The following DESI1 variants were observed in gnomAD, a reference collection of about 807,000 sequenced individuals.
DESI1 encodes PPPDE peptidase domain containing 2.
DESI1 carries 17 observed loss-of-function variants against 22.4 expected under a neutral mutation model. That is an observed-to-expected ratio of 0.76 (90% CI 0.52 to 1.14). DESI1 has a LOEUF of 1.14. DESI1 is among the 50% of genes most tolerant of loss of function. The probability of loss-of-function intolerance (pLI) is 0.00; values close to 1 mark genes in which losing one functional copy is unlikely to be tolerated. For synonymous variants in DESI1, 92 were observed against 84.2 expected (o/e 1.09, Z -0.51); for missense variants, 177 against 208.9 (o/e 0.85, Z 0.94).
intron 2 of DESI1, 37 bp downstream of exon 2, chr22:41,607,803 C>T (rs1247905738): frequency 3.1e-6 from 5 of 1,613,546 alleles, no homozygotes; most frequent in Non-Finnish European, 4.2e-6. Context: ...TGCCTTGTTT[C>T]AAAACTAGTC....
Position 41,607,737 on chromosome 22 carries a change from G to C in DESI1, c.110+103C>G, listed in dbSNP as rs144118084. 1.4e-5 allele frequency: 18 copies of C among 1,313,226 alleles called. No homozygotes were observed. The East Asian group carries it at 2.8e-4, about 20-fold the overall frequency. 81.3% of individuals were successfully genotyped at this position (1,313,226 alleles called of 1,614,324 possible). A position where few individuals can be genotyped will look rare whatever the true frequency, so the allele number is the denominator to read the frequency against. On this transcript the variant is annotated intron_variant, in intron 2 of 5. Coordinates refer to ENST00000263256, the MANE Select transcript of DESI1 (RefSeq NM_015704.3). ...TTAGGGCTTGAAGATTTATAGCATGGAGAGCTAGGTTTCATGCTGGAAGCC... is the reference window on the plus strand; with the variant it reads ...TTAGGGCTTGAAGATTTATAGCATGCAGAGCTAGGTTTCATGCTGGAAGCC...
chr22:41,612,412 G>A (rs1254949110), intron 1 of DESI1, among the ~76,000 whole-genome samples: 1 of 151,354 alleles, frequency 6.6e-6, no homozygotes, highest in Non-Finnish European at 1.5e-5. Context: ...GGGAGGCTGA[G>A]ACAGAAGAAT....
intron 2 of DESI1, 105 bp downstream of exon 2, chr22:41,607,735 T>C (rs1569067755): frequency 1.5e-6 from 2 of 1,314,562 alleles, no homozygotes; most frequent in Admixed American, 1.7e-5. Context: ...ATTTATAGCA[T>C]GGAGAGCTAG....
chr22:41,602,283 AAAT>A, intron 5 of DESI1: 18 of 985,442 alleles, frequency 1.8e-5, no homozygotes, highest in Non-Finnish European at 1.9e-5. Context: ...TCCACCCATA[AAAT>A]AATAACAGCA....
intron 1 of DESI1, among the ~76,000 whole-genome samples, chr22:41,612,415 A>C (rs2067523044): frequency 6.6e-6 from 1 of 151,920 alleles, no homozygotes; most frequent in Non-Finnish European, 1.5e-5. Context: ...AGGCTGAGAC[A>C]GAAGAATCAC....
chr22:41,602,740 G>A (rs948085737), intron 5 of DESI1: 2 of 996,910 alleles, frequency 2.0e-6, no homozygotes, highest in African/African-American at 1.7e-5. Context: ...AGGACAGAAC[G>A]GGCTGCAGAG....
At position 41,617,839 on chromosome 22, in the gene DESI1, T is replaced by C. The variant is rs569438106; in HGVS notation, c.88+2913A>G. ...GGGCGGGGAGTGGGAAGGGGGCAGG[T>C]CTATTACTCCATCTTCAGTTACAGC... is the stretch of plus-strand genomic sequence containing the variant. On this transcript the variant is annotated intron_variant, in intron 1 of 5. Coordinates refer to ENST00000263256, the MANE Select transcript of DESI1 (RefSeq NM_015704.3). 3.9e-5 allele frequency among the ~76,000 whole-genome samples: 6 copies of C among 152,196 alleles called. No individual in the cohort carries two copies. The South Asian group carries it at 1.0e-3, about 26-fold the overall frequency.
intron 2 of DESI1, 135 bp downstream of exon 2, chr22:41,607,705 C>A: frequency 1.9e-6 from 2 of 1,031,234 alleles, no homozygotes; most frequent in Non-Finnish European, 2.9e-6. Context: ...TGATGAGAAG[C>A]ACTGCTTTAG....
chr22:41,602,409 ACTGGGGCTC>A, intron 5 of DESI1: 1 of 985,396 alleles, frequency 1.0e-6, no homozygotes, highest in Non-Finnish European at 1.2e-6. Flanking sequence ...GGGCTGGCGG[ACTGGGGCTC>A]CTCACCAGCC....
intron 1 of DESI1, among the ~76,000 whole-genome samples, chr22:41,610,151 G>A (rs1212176258): frequency 6.6e-6 from 1 of 151,432 alleles, no homozygotes; most frequent in Non-Finnish European, 1.5e-5. Context: ...GGAGGCCGAG[G>A]CAGGCGGATC....
intron 1 of DESI1, among the ~76,000 whole-genome samples, chr22:41,615,272 T>TAAAAAAA (rs58574960): frequency 5.5e-5 from 6 of 108,486 alleles, no homozygotes; most frequent in South Asian, 3.1e-4. Context: ...TACTAAAAAT[T>TAAAAAAA]AAAAAAAAAA....
At position 41,599,841 on chromosome 22, in the gene DESI1, G is replaced by T. The variant is rs113989897; in HGVS notation, c.*1256C>A. ...CCCAAAGTGCTGGGATTACAGGCGT[G>T]AGCCACCGCGCCAGGCCTCACATCA... On this transcript the variant is annotated 3_prime_UTR_variant, in exon 6 of 6. Coordinates refer to ENST00000263256, the MANE Select transcript of DESI1 (RefSeq NM_015704.3). 1 of 149,446 alleles carries T rather than the reference G, an allele frequency of 6.7e-6. No individual in the cohort carries two copies. The highest frequency in any genetic ancestry group is 1.5e-5 in the Non-Finnish European group (1 of 67,252). The allele number at this position is 149,446 out of a possible 1,614,324, so 9.3% of individuals were successfully genotyped here.
At chr22:41,614,884 C>G (rs1415461763) in intron 1 of DESI1, among the ~76,000 whole-genome samples, 1 of 148,346 alleles carries the variant, frequency 6.7e-6, no homozygotes, top group East Asian at 2.0e-4. Flanking sequence ...CTCACCCCAC[C>G]TTGTTTTCTT....
At chr22:41,608,993 G>A (rs1437065915) in intron 1 of DESI1, among the ~76,000 whole-genome samples, 1 of 152,180 alleles carries the variant, frequency 6.6e-6, no homozygotes, top group Non-Finnish European at 1.5e-5. Flanking sequence ...CCAGGCTGGA[G>A]TGAAGTGACG....
chr22:41,606,834 T>C (rs537086040), intron 3 of DESI1, among the ~76,000 whole-genome samples: 1 of 144,948 alleles, frequency 6.9e-6, no homozygotes, highest in East Asian at 2.0e-4. Flanking sequence ...GGCTTTAGTG[T>C]GATAATCCTG....
chr22:41,607,378 G>A lies in DESI1; in HGVS notation c.111-47C>T, dbSNP rs753884390. ...AGTAAGCCAGAAAACTTAAACTTTT[G>A]AGAAAAAGCAAACACCATAATGCAA... is the stretch of plus-strand genomic sequence containing the variant. On this transcript the variant is annotated intron_variant, in intron 2 of 5. Coordinates refer to ENST00000263256, the MANE Select transcript of DESI1 (RefSeq NM_015704.3). The A allele has an allele frequency of 3.2e-6, 5 of 1,564,412 alleles. No individual in the cohort carries two copies. In the Admixed American group the frequency reaches 9.4e-5, roughly 29 times the overall value.
chr22:41,619,680 G>C lies in DESI1; in HGVS notation c.88+1072C>G, dbSNP rs759294341. On this transcript the variant is annotated intron_variant, in intron 1 of 5. Transcript: ENST00000263256. ...ACAACTCATGGACCCACGGTTGTGA[G>C]ATTAAGTTCAATTCACTACGACATA... Among the ~76,000 whole-genome samples the C allele has an allele frequency of 9.7e-4, 148 of 152,184 alleles. 1 individual carries two copies. Among genetic ancestry groups the C allele is most frequent in the South Asian group, 4.1e-4 (2 of 4,830 alleles).
intron 5 of DESI1, chr22:41,602,528 A>T (rs997110391): frequency 8.4e-5 from 83 of 985,370 alleles, no homozygotes; most frequent in Non-Finnish European, 9.4e-5. Flanking sequence ...ACCTGCCAGG[A>T]TCTCTGTTAA....
intron 2 of DESI1, 142 bp from the exon 3 acceptor site, chr22:41,607,473 G>T: frequency 1.3e-6 from 1 of 752,224 alleles, no homozygotes; most frequent in Non-Finnish European, 2.1e-6. Flanking sequence ...CCAAAGGTAT[G>T]AATATGATAA....
Sources: gnomAD v4.1 joint callset for allele counts (sites outside exome capture counted in the v4.1 genomes callset) on GRCh38, gnomAD v4.1.1 for gene constraint, MANE v1.5 for transcripts, NCBI Gene and HGNC (gene_info 2026-07-23, HGNC 2026-07-21) for gene names.